Variants in KCNN4 observed in about 807,000 individuals in gnomAD.
KCNN4 encodes intermediate conductance calcium-activated potassium channel protein 4.
KCNN4 carries 31 observed loss-of-function variants against 45.2 expected under a neutral mutation model. The ratio of observed to expected loss-of-function variants is 0.69; its 90% CI spans 0.52 to 0.92. The LOEUF is 0.92. Ranked by LOEUF, KCNN4 falls within the 40% of genes least tolerant of loss-of-function variation. The pLI is 0.00. For missense variants in KCNN4, 463 were observed against 574.0 expected, an observed-to-expected ratio of 0.81 and a Z score of 1.98; for synonymous variants, 231 against 254.6, an observed-to-expected ratio of 0.91 and a Z score of 0.88.
chr19:43,769,905 C>G lies in KCNN4; in HGVS notation c.820-76G>C. On this transcript the variant is annotated intron_variant, in intron 4 of 8. Coordinates refer to ENST00000648319, the MANE Select transcript of KCNN4 (RefSeq NM_002250.3). The surrounding 1 kb of genome is among the most constrained non-coding windows in gnomAD (Gnocchi z 4.4). ...CTTGAACCCGCCCAACAGCCACAGA[C>G]GGTAGGCACGACCATCCCCAGTTAG... 1 of 956,440 alleles carries G rather than the reference C, an allele frequency of 1.0e-6. No individual in the cohort carries two copies. The highest frequency in any genetic ancestry group is 2.0e-5 in the Admixed American group (1 of 51,196). 59.2% of individuals were successfully genotyped at this position (956,440 alleles called of 1,614,324 possible). A position where few individuals can be genotyped will look rare whatever the true frequency, so the allele number is the denominator to read the frequency against.
chr19:43,776,161 T>C (rs1270642745), intron 2 of KCNN4, among the ~76,000 whole-genome samples: 1 of 83,238 alleles, frequency 1.2e-5, no homozygotes, highest in African/African-American at 4.6e-5. Flanking sequence ...AAAAAAGGAG[T>C]GGGCAGCCCT....
rs202132305 is a variant in KCNN4, at chr19:43,774,204, G to A, written c.671C>T (p.Ser224Phe). 4 of 1,611,002 alleles carry A rather than the reference G, an allele frequency of 2.5e-6. No homozygotes were observed. Among genetic ancestry groups the A allele is most frequent in the Non-Finnish European group, 2.5e-6 (3 of 1,177,950 alleles). Residue 224 changes from serine to phenylalanine, a missense_variant, in exon 3 of 9, where the codon TCC becomes TTC. Ser to Phe is a radical substitution (Grantham distance 155). This residue lies in a region of KCNN4 where 109 missense variants were observed against 183.7 expected (regional missense o/e 0.59). Coordinates refer to ENST00000648319, the MANE Select transcript of KCNN4 (RefSeq NM_002250.3). The surrounding 1 kb of genome is among the most constrained non-coding windows in gnomAD (Gnocchi z 5.6). ...GLWLTTAWVL[S>F]VAERQAVNAT... The stretch of plus-strand genomic sequence containing the variant: ...CCATCACCCTCACCTCTCGGCCACG[G>A]ACAGCACCCAGGCGGTGGTCAGCCA...
Position 43,772,117 on chromosome 19 carries a change from A to G in KCNN4, c.702T>C (p.Thr234=), listed in dbSNP as rs1969660017. 6.2e-7 allele frequency: 1 copy of G among 1,613,712 alleles called. No homozygotes were observed. Among genetic ancestry groups the G allele is most frequent in the Non-Finnish European group, 8.5e-7 (1 of 1,179,882 alleles). Reference sequence around the variant, plus strand: ...GCCAAAGTGTGTCTGAAAGGTGCCCAGTGGCATTAACAGCCTGCCTATGGG... The same window carrying G: ...GCCAAAGTGTGTCTGAAAGGTGCCCGGTGGCATTAACAGCCTGCCTATGGG... The part of the protein sequence containing the change: ...SVAERQAVNA[T]GHLSDTLWLI... The change falls in exon 4 of 9, where the codon ACT becomes ACC. Residue 234 remains threonine (T), a synonymous_variant. Transcript: ENST00000648319. This position sits in a 1 kb window ranked among gnomAD's most constrained non-coding sequence, Gnocchi z 4.4.
At position 43,774,668 on chromosome 19, in the gene KCNN4, A is replaced by C; in HGVS notation, c.256-49T>G. ...GAGGGGTCAGGAGCAGGTCAGGCGC[A>C]GGTCAGGCGGCGGCCCGCGCCTGCC... On this transcript the variant is annotated intron_variant, in intron 2 of 8. Coordinates refer to ENST00000648319, the MANE Select transcript of KCNN4 (RefSeq NM_002250.3). The surrounding 1 kb of genome is among the most constrained non-coding windows in gnomAD (Gnocchi z 5.6). The C allele has an allele frequency of 7.0e-7, 1 of 1,435,956 alleles. No individual in the cohort carries two copies. Among genetic ancestry groups the C allele is most frequent in the Non-Finnish European group, 9.1e-7 (1 of 1,101,278 alleles). The allele number at this position is 1,435,956 out of a possible 1,614,324, so 89.0% of individuals were successfully genotyped here.
rs1244319242 is a variant in KCNN4, at chr19:43,778,488, C to G, written c.160-1852G>C. Among the ~76,000 whole-genome samples, 4 of 152,332 alleles carry G rather than the reference C, an allele frequency of 2.6e-5. No homozygotes were observed. In the East Asian group the frequency reaches 7.7e-4, roughly 29 times the overall value. Reference sequence around the variant, plus strand: ...TGTCCTGACCTTGTGATCCGCCCACCTCGGCCTCCCAAAGTGCTGGGATTA... The same window carrying G: ...TGTCCTGACCTTGTGATCCGCCCACGTCGGCCTCCCAAAGTGCTGGGATTA... On this transcript the variant is annotated intron_variant, in intron 1 of 8. Transcript: ENST00000648319.
At position 43,772,110 on chromosome 19, in the gene KCNN4, G is replaced by T; in HGVS notation, c.709C>A (p.Leu237Ile). 3 of 1,613,538 alleles carry T rather than the reference G, an allele frequency of 1.9e-6. No individual in the cohort carries two copies. Reference sequence around the variant, plus strand: ...GGGATCAGCCAAAGTGTGTCTGAAAGGTGCCCAGTGGCATTAACAGCCTGC... The same window carrying T: ...GGGATCAGCCAAAGTGTGTCTGAAATGTGCCCAGTGGCATTAACAGCCTGC... ...ERQAVNATGH[L>I]SDTLWLIPIT... Residue 237 changes from leucine to isoleucine, a missense_variant, in exon 4 of 9, where the codon CTT (leucine) becomes ATT (isoleucine). Leu to Ile is a conservative substitution (Grantham distance 5). Around this residue, in one of 3 missense-constraint regions of KCNN4, gnomAD observed 109 missense variants for 183.7 expected, o/e 0.59. Coordinates refer to ENST00000648319, the MANE Select transcript of KCNN4 (RefSeq NM_002250.3). The surrounding 1 kb of genome is among the most constrained non-coding windows in gnomAD (Gnocchi z 4.4).
In KCNN4 at chr19:43,769,148, T is replaced by C. The variant is rs948911098; in HGVS notation, c.1050-116A>G. 4 of 1,193,298 alleles carry C rather than the reference T, an allele frequency of 3.4e-6. No homozygotes were observed. The highest frequency in any genetic ancestry group is 1.5e-5 in the African/African-American group (1 of 66,436). The allele number at this position is 1,193,298 out of a possible 1,614,324, so 73.9% of individuals were successfully genotyped here. A position where few individuals can be genotyped will look rare whatever the true frequency, so the allele number is the denominator to read the frequency against. ...GAAGAAACAAAACAAAGAAACAAAG[T>C]TGTCGAAGAGCTGAAAGAGTGGGAG... On this transcript the variant is annotated intron_variant, in intron 6 of 8. Coordinates refer to ENST00000648319, the MANE Select transcript of KCNN4 (RefSeq NM_002250.3). This position sits in a 1 kb window ranked among gnomAD's most constrained non-coding sequence, Gnocchi z 4.4.
chr19:43,774,742 T>C lies in KCNN4; in HGVS notation c.256-123A>G. The C allele has an allele frequency of 1.4e-6, 1 of 738,120 alleles. No homozygotes were observed. Among genetic ancestry groups the C allele is most frequent in the Non-Finnish European group, 2.0e-6 (1 of 490,176 alleles). The allele number at this position is 738,120 out of a possible 1,614,324, so 45.7% of individuals were successfully genotyped here. A position where few individuals can be genotyped will look rare whatever the true frequency, so the allele number is the denominator to read the frequency against. Reference sequence around the variant, plus strand: ...TGCCGCCTGGCCAGGAGGGAGGGAGTGCAGGGCGGGAGAGGGATAGGGAGG... The same window carrying C: ...TGCCGCCTGGCCAGGAGGGAGGGAGCGCAGGGCGGGAGAGGGATAGGGAGG... On this transcript the variant is annotated intron_variant, in intron 2 of 8. Coordinates refer to ENST00000648319, the MANE Select transcript of KCNN4 (RefSeq NM_002250.3). The surrounding 1 kb of genome is among the most constrained non-coding windows in gnomAD (Gnocchi z 5.6).
intron 1 of KCNN4, among the ~76,000 whole-genome samples, chr19:43,780,231 A>T (rs1294039338): frequency 9.9e-5 from 15 of 151,942 alleles, no homozygotes; most frequent in Admixed American, 9.8e-4. Context: ...CAAAGACTGA[A>T]ACACTGAAAC....
rs1212819201 is a variant in KCNN4, at chr19:43,780,744, T to C, written c.118A>G (p.Met40Val). The C allele has an allele frequency of 2.5e-6, 4 of 1,612,844 alleles. No homozygotes were observed. The Admixed American group carries it at 6.7e-5, about 27-fold the overall frequency. The change falls in exon 1 of 9, where the codon ATG becomes GTG. Residue 40 changes from methionine (M) to valine (V), a missense_variant. Physicochemically the swap from Met to Val is conservative, Grantham distance 21 (BLOSUM62 1). Around this residue, in one of 3 missense-constraint regions of KCNN4, gnomAD observed 225 missense variants for 240.9 expected, o/e 0.93. Transcript: ENST00000648319. ...LVLAGTGIGLMVLHAEMLWFG... is the reference protein window; with the variant it reads ...LVLAGTGIGLVVLHAEMLWFG... ...CACAGCATCTCTGCATGCAGCACCATGAGTCCAATGCCAGTTCCTGCCAGC... is the reference window on the plus strand; with the variant it reads ...CACAGCATCTCTGCATGCAGCACCACGAGTCCAATGCCAGTTCCTGCCAGC...
Position 43,774,749 on chromosome 19 carries a change from CG to C in KCNN4, c.256-131del. On this transcript the variant is annotated intron_variant, in intron 2 of 8. Coordinates refer to ENST00000648319, the MANE Select transcript of KCNN4 (RefSeq NM_002250.3). This position sits in a 1 kb window ranked among gnomAD's most constrained non-coding sequence, Gnocchi z 5.6. ...TGGCCAGGAGGGAGGGAGTGCAGGG[CG>C]GGAGAGGGATAGGGAGGGAGCGGGA... is the stretch of plus-strand genomic sequence containing the variant. The C allele has an allele frequency of 1.5e-6, 1 of 674,034 alleles. No homozygotes were observed. The highest frequency in any genetic ancestry group is 2.3e-6 in the Non-Finnish European group (1 of 431,872). 41.8% of individuals were successfully genotyped at this position (674,034 alleles called of 1,614,324 possible).
intron 1 of KCNN4, among the ~76,000 whole-genome samples, chr19:43,778,742 G>A (rs568514309): frequency 3.6e-4 from 55 of 152,014 alleles, no homozygotes; most frequent in African/African-American, 1.3e-3. Context: ...ACCCCACCTG[G>A]TGCTTTTGGA....
Position 43,769,028 on chromosome 19 carries a change from G to A in KCNN4, c.1054C>T (p.Arg352Cys), listed in dbSNP as rs202202107. Residue 352 changes from arginine to cysteine, a missense_variant, in exon 7 of 9, where the codon CGC becomes TGC. Physicochemically the swap from Arg to Cys is radical, Grantham distance 180 (BLOSUM62 -3). This residue lies in a region of KCNN4 where 129 missense variants were observed against 149.4 expected (regional missense o/e 0.86). Transcript: ENST00000648319. This position sits in a 1 kb window ranked among gnomAD's most constrained non-coding sequence, Gnocchi z 4.4. ...TTCCGGTGTTTCAGCCGCACCTGGC[G>A]GAACCTGTGGGAAGAAGTGGGGAGT... ...RKLLAAINAF[R>C]QVRLKHRKLR... 18 of 1,613,946 alleles carry A rather than the reference G, an allele frequency of 1.1e-5. No individual in the cohort carries two copies. Among genetic ancestry groups the A allele is most frequent in the African/African-American group, 6.7e-5 (5 of 74,908 alleles).
In KCNN4 at chr19:43,771,921, C is replaced by G. The variant is rs553238751; in HGVS notation, c.819+79G>C. ...CTGTCCCTGAGAGCCTGTGTTGAAC[C>G]CATTTAATCATGGCTTCCTGGGGCC... is the stretch of plus-strand genomic sequence containing the variant. On this transcript the variant is annotated intron_variant, in intron 4 of 8. Coordinates refer to ENST00000648319, the MANE Select transcript of KCNN4 (RefSeq NM_002250.3). The G allele has an allele frequency of 1.8e-3, 2,616 of 1,485,386 alleles. 1 individual carries two copies. Among genetic ancestry groups the G allele is most frequent in the Non-Finnish European group, 2.2e-3 (2,438 of 1,113,176 alleles). The allele number at this position is 1,485,386 out of a possible 1,614,324, so 92.0% of individuals were successfully genotyped here. A position where few individuals can be genotyped will look rare whatever the true frequency, so the allele number is the denominator to read the frequency against.
rs545846565 is a variant in KCNN4 at position 43,769,332 on chromosome 19, C to A, written c.1049+110G>T. ...GACCTGGATGTTGAGTGAGACCACA[C>A]CTGGGTGTCCTGACCTGGACAGGCA... On this transcript the variant is annotated intron_variant, in intron 6 of 8. Coordinates refer to ENST00000648319, the MANE Select transcript of KCNN4 (RefSeq NM_002250.3). This position sits in a 1 kb window ranked among gnomAD's most constrained non-coding sequence, Gnocchi z 4.4. 51 of 854,282 alleles carry A rather than the reference C, an allele frequency of 6.0e-5. No individual in the cohort carries two copies. In the African/African-American group the frequency reaches 7.1e-4, roughly 12 times the overall value. The allele number at this position is 854,282 out of a possible 1,614,324, so 52.9% of individuals were successfully genotyped here. A position where few individuals can be genotyped will look rare whatever the true frequency, so the allele number is the denominator to read the frequency against.
In KCNN4 at chr19:43,780,919, C is replaced by G; in HGVS notation, c.-58G>C. ...CTGCCCAGGGTCCCCCACCTCGCAG[C>G]ACGCACAGGGCAGCCACTGTGGCTT... On this transcript the variant is annotated 5_prime_UTR_variant, in exon 1 of 9. Transcript: ENST00000648319. The G allele has an allele frequency of 6.4e-7, 1 of 1,570,664 alleles. No homozygotes were observed. The highest frequency in any genetic ancestry group is 1.1e-5 in the South Asian group (1 of 89,346).
chr19:43,769,828 C>G lies in KCNN4; in HGVS notation c.821G>C (p.Gly274Ala). The G allele has an allele frequency of 6.2e-7, 1 of 1,608,960 alleles. No individual in the cohort carries two copies. The highest frequency in any genetic ancestry group is 8.5e-7 in the Non-Finnish European group (1 of 1,177,900). ...CACCAGCAGGGCTGTGCAGCAGACA[C>G]CCTGTGGGCACAGCAGGCACCGTGG... ...KIVCLCTGVMGVCCTALLVAV... is the reference protein window; with the variant it reads ...KIVCLCTGVMAVCCTALLVAV... The change falls in exon 5 of 9, where the codon GGT (glycine) becomes GCT (alanine). Residue 274 changes from glycine to alanine, a missense_variant and splice_region_variant. This residue lies in a region of KCNN4 where 109 missense variants were observed against 183.7 expected (regional missense o/e 0.59). Coordinates refer to ENST00000648319, the MANE Select transcript of KCNN4 (RefSeq NM_002250.3). This position sits in a 1 kb window ranked among gnomAD's most constrained non-coding sequence, Gnocchi z 4.4.
rs1053126911 is a variant in KCNN4 at position 43,769,211 on chromosome 19, G to A, written c.1050-179C>T. 6 of 724,258 alleles carry A rather than the reference G, an allele frequency of 8.3e-6. No individual in the cohort carries two copies. The Admixed American group carries it at 9.5e-5, about 11-fold the overall frequency. The allele number at this position is 724,258 out of a possible 1,614,324, so 44.9% of individuals were successfully genotyped here. ...GCCTCCCCACGAGCCCCCATCCCCA[G>A]TAGAAACCCAGGTACCCAGGTCCGC... On this transcript the variant is annotated intron_variant, in intron 6 of 8. Transcript: ENST00000648319. The surrounding 1 kb of genome is among the most constrained non-coding windows in gnomAD (Gnocchi z 4.4).
At position 43,774,726 on chromosome 19, in the gene KCNN4, G is replaced by T. The variant is rs1969749936; in HGVS notation, c.256-107C>A. ...TGAGATAAGTGGGGTGTGCCGCCTG[G>T]CCAGGAGGGAGGGAGTGCAGGGCGG... On this transcript the variant is annotated intron_variant, in intron 2 of 8. Coordinates refer to ENST00000648319, the MANE Select transcript of KCNN4 (RefSeq NM_002250.3). The surrounding 1 kb of genome is among the most constrained non-coding windows in gnomAD (Gnocchi z 5.6). The T allele has an allele frequency of 2.1e-6, 2 of 950,186 alleles. No individual in the cohort carries two copies. Among genetic ancestry groups the T allele is most frequent in the South Asian group, 2.0e-5 (1 of 51,212 alleles). 58.9% of individuals were successfully genotyped at this position (950,186 alleles called of 1,614,324 possible).
Sources: allele counts gnomAD v4.1 joint callset (sites outside exome capture counted in the v4.1 genomes callset), GRCh38; gene constraint gnomAD v4.1.1; regional missense constraint gnomAD v4.1.1; non-coding constraint Gnocchi (gnomAD v3.1); transcripts MANE v1.5; gene names NCBI Gene and HGNC (gene_info 2026-07-23, HGNC 2026-07-21).